KLHL13: variants seen among roughly 807,000 people sequenced by gnomAD.
KLHL13 encodes the protein kelch like family member 13.
Under a neutral mutation model 37.1 loss-of-function variants are expected in KLHL13, and 10 were observed. That is an observed-to-expected ratio of 0.27 (90% confidence interval 0.17 to 0.46). The LOEUF (loss-of-function observed/expected upper bound fraction) is 0.46, where lower values mean the gene tolerates loss of function less well. Among genes scored for constraint, KLHL13 ranks in the 20% least tolerant of loss-of-function variants. The probability of loss-of-function intolerance (pLI) is 1.00; values close to 1 mark genes in which losing one functional copy is unlikely to be tolerated. For missense variants in KLHL13, 360 were observed against 509.3 expected, an observed-to-expected ratio of 0.71 and a Z score of 2.82; for synonymous variants, 163 against 181.2, an observed-to-expected ratio of 0.90 and a Z score of 0.81.
At chrX:118,033,692 A>G (rs1312675238) in intron 1 of KLHL13, among the ~76,000 whole-genome samples, 9 of 109,275 alleles carry the variant, frequency 8.2e-5, no homozygotes, top group African/African-American at 3.0e-4. Context: ...CTAACGAGCA[A>G]AATCACCAGC....
intron 1 of KLHL13, among the ~76,000 whole-genome samples, chrX:118,049,327 T>G (rs2054591181): frequency 1.8e-5 from 2 of 112,066 alleles, no homozygotes; most frequent in Admixed American, 1.9e-4. Context: ...CTAGAAAAAC[T>G]GCACATAATT....
At chrX:118,058,030 G>A (rs1345509210) in intron 1 of KLHL13, among the ~76,000 whole-genome samples, 2 of 111,050 alleles carry the variant, frequency 1.8e-5, no homozygotes, top group Non-Finnish European at 3.8e-5. Flanking sequence ...ACGTTTTCTA[G>A]GCTTTTTAGA....
Position 117,995,459 on chromosome X carries a change from T to G in KLHL13, c.-55-49884A>C, listed in dbSNP as rs59079445. 5.8e-3 allele frequency among the ~76,000 whole-genome samples: 641 copies of G among 111,466 alleles called. 9 individuals carry two copies. The highest frequency in any genetic ancestry group is 0.02 in the African/African-American group (608 of 30,651). On this transcript the variant is annotated intron_variant, in intron 1 of 6. Coordinates refer to the KLHL13 transcript ENST00000371882. ...TTTAATTTTTTATTTTACTTTAAGT[T>G]CCAGGATACATGTGCAGAATGTGCA...
At chrX:118,031,882 G>A (rs981198731) in intron 1 of KLHL13, among the ~76,000 whole-genome samples, 39 of 108,591 alleles carry the variant, frequency 3.6e-4, no homozygotes, top group Non-Finnish European at 7.2e-4. Flanking sequence ...CAGTGGCTGC[G>A]TGCACCGTGC....
intron 1 of KLHL13, among the ~76,000 whole-genome samples, chrX:118,011,142 T>C (rs1188022433): frequency 1.8e-5 from 2 of 109,334 alleles, no homozygotes; most frequent in African/African-American, 6.6e-5. Context: ...AGGCATGGCA[T>C]ATATTTCAGT....
intron 1 of KLHL13, chrX:117,985,434 G>A: frequency 1.1e-6 from 1 of 871,928 alleles, no homozygotes; most frequent in Non-Finnish European, 1.4e-6. Context: ...AGCAGAAACA[G>A]GCTTTATATA....
chrX:118,013,146 T>C (rs1280121828), intron 1 of KLHL13, among the ~76,000 whole-genome samples: 2 of 112,173 alleles, frequency 1.8e-5, no homozygotes, highest in Non-Finnish European at 3.8e-5. Flanking sequence ...TTGGAGCTTC[T>C]ATTCCAGTGA....
intron 1 of KLHL13, among the ~76,000 whole-genome samples, chrX:118,057,297 A>G (rs1451781534): frequency 8.9e-6 from 1 of 112,305 alleles, no homozygotes; most frequent in East Asian, 2.8e-4. Flanking sequence ...GTCACATGCA[A>G]AAGAATGAGG....
chrX:118,041,864 TACA>T (rs2054510043), intron 1 of KLHL13, among the ~76,000 whole-genome samples: 1 of 111,755 alleles, frequency 8.9e-6, no homozygotes, highest in African/African-American at 3.2e-5. Context: ...CTGAAGTCCT[TACA>T]ACATTGAATC....
intron 1 of KLHL13, among the ~76,000 whole-genome samples, chrX:118,092,618 C>T (rs938955751): frequency 1.8e-5 from 2 of 111,840 alleles, no homozygotes; most frequent in South Asian, 3.7e-4. Context: ...GAAGAAAGAA[C>T]ATGGTAAGCA....
intron 1 of KLHL13, among the ~76,000 whole-genome samples, chrX:118,038,189 A>G (rs765597165): frequency 1.2e-4 from 14 of 112,174 alleles, no homozygotes; most frequent in African/African-American, 4.2e-4. Flanking sequence ...CCAATTAAGT[A>G]ACAAGTGAAG....
intron 2 of KLHL13, among the ~76,000 whole-genome samples, chrX:117,921,167 T>C (rs1032708179): frequency 5.2e-4 from 58 of 111,971 alleles, no homozygotes; most frequent in African/African-American, 1.7e-3. Flanking sequence ...AGTTGTTCTA[T>C]TGATATAAGT....
intron 1 of KLHL13, among the ~76,000 whole-genome samples, chrX:117,986,056 T>C (rs1054798371): frequency 9.0e-6 from 1 of 111,392 alleles, no homozygotes. Context: ...CTATGTTGGG[T>C]GGTGTGGATG....
chrX:117,962,585 A>G (rs763960742), intron 1 of KLHL13, among the ~76,000 whole-genome samples: 50 of 111,975 alleles, frequency 4.5e-4, no homozygotes, highest in African/African-American at 1.5e-3. Flanking sequence ...AATTGCCTCA[A>G]TATTTTCCTT....
At chrX:118,115,359 C>A (rs1273948687) in intron 1 of KLHL13, among the ~76,000 whole-genome samples, 1 of 112,568 alleles carries the variant, frequency 8.9e-6, no homozygotes, top group Non-Finnish European at 1.9e-5. Flanking sequence ...GGAGCTAACA[C>A]CACAACTACA....
intron 1 of KLHL13, among the ~76,000 whole-genome samples, chrX:117,971,689 T>C (rs2053526080): frequency 1.8e-5 from 2 of 111,178 alleles, no homozygotes; most frequent in South Asian, 7.5e-4. Context: ...TTCCTCAGCA[T>C]CTGAAAGGGT....
chrX:118,067,914 A>C (rs964696490), intron 1 of KLHL13, among the ~76,000 whole-genome samples: 2 of 112,113 alleles, frequency 1.8e-5, no homozygotes, highest in Admixed American at 1.9e-4. Context: ...ATAAACCAGT[A>C]ACACAGTCAT....
intron 1 of KLHL13, among the ~76,000 whole-genome samples, chrX:117,970,453 C>T (rs2053505666): frequency 9.0e-6 from 1 of 111,308 alleles, no homozygotes; most frequent in Non-Finnish European, 1.9e-5. Flanking sequence ...AGTTTAGACC[C>T]AAAAGACACA....
intron 1 of KLHL13, among the ~76,000 whole-genome samples, chrX:117,969,731 T>C (rs1202556442): frequency 8.9e-6 from 1 of 112,064 alleles, no homozygotes; most frequent in Non-Finnish European, 1.9e-5. Context: ...ATTATTTTCC[T>C]GAATCTTTCG....
Sources: gnomAD v4.1 joint callset for allele counts (sites outside exome capture counted in the v4.1 genomes callset) on GRCh38, gnomAD v4.1.1 for gene constraint, MANE v1.5 for transcripts, NCBI Gene and HGNC (gene_info 2026-07-23, HGNC 2026-07-21) for gene names.